Variants in UBR3 observed in about 807,000 individuals in gnomAD.
The protein encoded by UBR3 is E3 ubiquitin-protein ligase UBR3.
A neutral mutation model predicts 243.2 loss-of-function variants in UBR3; 85 were observed. The observed-to-expected ratio is 0.35, with a 90% CI of 0.29 to 0.42. UBR3 has a LOEUF of 0.42. Among genes scored for constraint, UBR3 ranks in the 10% least tolerant of loss-of-function variants. The pLI is 1.00. For missense variants in UBR3, 1,686 were observed against 2,300.8 expected, an observed-to-expected ratio of 0.73 and a Z score of 5.47; for synonymous variants, 748 against 799.8, an observed-to-expected ratio of 0.94 and a Z score of 1.09.
At chr2:169,841,601 T>C (rs2082290863) in intron 1 of UBR3, among the ~76,000 whole-genome samples, 1 of 152,122 alleles carries the variant, frequency 6.6e-6, no homozygotes, top group African/African-American at 2.4e-5. Context: ...CGGGTGGGCG[T>C]GGGCTTGGTG....
At chr2:170,049,978 C>T (rs56702713) in intron 32 of UBR3, among the ~76,000 whole-genome samples, 6,506 of 152,242 alleles carry the variant, frequency 0.043, 153 homozygotes, top group Middle Eastern at 0.061. Context: ...ATCTTTAACA[C>T]TTATATTGTG....
At chr2:169,866,727 TC>T (rs1460066985) in intron 1 of UBR3, among the ~76,000 whole-genome samples, 1 of 152,202 alleles carries the variant, frequency 6.6e-6, no homozygotes, top group Non-Finnish European at 1.5e-5. Context: ...GTGTAATGCT[TC>T]CTAACCTTTA....
At chr2:169,952,373 T>C (rs911100110) in intron 23 of UBR3, among the ~76,000 whole-genome samples, 6 of 152,042 alleles carry the variant, frequency 3.9e-5, no homozygotes, top group African/African-American at 1.5e-4. Context: ...AGTTAGGAGG[T>C]CATCCGTTGG....
At position 169,906,060 on chromosome 2, in the gene UBR3, G is replaced by A. The variant is rs1449012821; in HGVS notation, c.1675G>A (p.Glu559Lys). The A allele has an allele frequency of 5.2e-6, 8 of 1,551,390 alleles. No individual in the cohort carries two copies. In the African/African-American group the frequency reaches 5.5e-5, roughly 11 times the overall value. ...GAACTTAAACAAGCGAGAACTAAAC[G>A]AGCATGTGGAATTTGAGTCTCAGAC... ...GMNLNKRELN[E>K]HVEFESQTYY... The change falls in exon 10 of 39, where the codon GAG becomes AAG. Residue 559 changes from glutamate (E) to lysine (K), a missense_variant. By Grantham distance (56) the Glu-to-Lys change is moderately conservative (BLOSUM62 1). Around this residue, in one of 8 missense-constraint regions of UBR3, gnomAD observed 346 missense variants for 585.8 expected, o/e 0.59. Coordinates refer to ENST00000272793, the MANE Select transcript of UBR3 (RefSeq NM_172070.4).
chr2:169,901,400 C>T (rs2084816780), intron 8 of UBR3, among the ~76,000 whole-genome samples: 1 of 152,052 alleles, frequency 6.6e-6, no homozygotes, highest in Non-Finnish European at 1.5e-5. Flanking sequence ...ACTATTTTTT[C>T]CTCTTTCAGT....
intron 11 of UBR3, among the ~76,000 whole-genome samples, chr2:169,914,427 T>C: frequency 6.6e-6 from 1 of 152,210 alleles, no homozygotes; most frequent in East Asian, 1.9e-4. Flanking sequence ...ATGTGTCTCA[T>C]TATTTCTCAG....
At chr2:170,074,965 A>C (rs2091773470) in intron 36 of UBR3, among the ~76,000 whole-genome samples, 1 of 152,186 alleles carries the variant, frequency 6.6e-6, no homozygotes, top group Non-Finnish European at 1.5e-5. Flanking sequence ...TTTGGCAGAA[A>C]TAGAACGTAT....
intron 11 of UBR3, among the ~76,000 whole-genome samples, chr2:169,918,081 T>C (rs2085533610): frequency 6.6e-6 from 1 of 152,166 alleles, no homozygotes; most frequent in Admixed American, 6.6e-5. Flanking sequence ...GATGCAGAGA[T>C]ATTAAATGAC....
At chr2:170,019,253 A>G (rs1209877297) in intron 30 of UBR3, among the ~76,000 whole-genome samples, 1 of 152,246 alleles carries the variant, frequency 6.6e-6, no homozygotes, top group Non-Finnish European at 1.5e-5. Context: ...GATCTGATCA[A>G]GAAATTATGC....
intron 1 of UBR3, among the ~76,000 whole-genome samples, chr2:169,852,494 A>C (rs2105294046): frequency 6.6e-6 from 1 of 152,274 alleles, no homozygotes; most frequent in South Asian, 2.1e-4. Context: ...AACAGAATTG[A>C]GTAATTACAA....
intron 3 of UBR3, among the ~76,000 whole-genome samples, chr2:169,877,081 A>G (rs545348016): frequency 3.0e-4 from 46 of 152,364 alleles, no homozygotes; most frequent in African/African-American, 1.1e-3. Flanking sequence ...TCTGCTTTCG[A>G]TAACTGCATG....
chr2:169,919,079 A>G (rs1447186677), intron 11 of UBR3, among the ~76,000 whole-genome samples: 1 of 152,214 alleles, frequency 6.6e-6, no homozygotes, highest in African/African-American at 2.4e-5. Flanking sequence ...GAAGGGATAT[A>G]TAGCATTTGC....
intron 8 of UBR3, among the ~76,000 whole-genome samples, chr2:169,897,080 T>C (rs564345886): frequency 1.3e-5 from 2 of 152,270 alleles, no homozygotes; most frequent in South Asian, 4.1e-4. Flanking sequence ...ATACAATAAA[T>C]ACTTTTTAAA....
chr2:170,024,878 G>C (rs1055385949), intron 30 of UBR3, among the ~76,000 whole-genome samples: 1 of 152,158 alleles, frequency 6.6e-6, no homozygotes, highest in East Asian at 1.9e-4. Context: ...TATCCCAGGT[G>C]AGTTGTCGCA....
At chr2:170,078,152 T>C (rs186639515) in intron 36 of UBR3, 1 of 581,698 alleles carries the variant, frequency 1.7e-6, no homozygotes, top group Non-Finnish European at 3.3e-6. Flanking sequence ...AAGATAAAGC[T>C]TAGCCTTCAG....
chr2:169,940,747 T>C (rs958273107), intron 19 of UBR3, among the ~76,000 whole-genome samples: 4 of 152,242 alleles, frequency 2.6e-5, no homozygotes, highest in Non-Finnish European at 5.9e-5. Flanking sequence ...TTTTGTATTA[T>C]GAGGCTGCTA....
In UBR3 at chr2:169,949,693, A is replaced by T; in HGVS notation, c.3173A>T (p.Asn1058Ile). Residue 1058 changes from asparagine to isoleucine, a missense_variant, in exon 23 of 39, where the codon AAT becomes ATT. Physicochemically the swap from Asn to Ile is moderately radical, Grantham distance 149. Coordinates refer to ENST00000272793, the MANE Select transcript of UBR3 (RefSeq NM_172070.4). ...EIINRSSSEA[N>I]QVVRPKTSSK... ...ATCAATCGCAGTAGCAGTGAAGCAA[A>T]TCAGGTGGTTCGTCCCAAAACTTCA... is the stretch of plus-strand genomic sequence containing the variant. 1 of 1,551,606 alleles carries T rather than the reference A, an allele frequency of 6.4e-7. No homozygotes were observed. The highest frequency in any genetic ancestry group is 8.7e-7 in the Non-Finnish European group (1 of 1,146,728).
chr2:169,971,336 C>A (rs2088132562), intron 24 of UBR3, among the ~76,000 whole-genome samples: 1 of 151,468 alleles, frequency 6.6e-6, no homozygotes, highest in Admixed American at 6.6e-5. Context: ...TTGATTAGAT[C>A]CCATTTGTCA....
At chr2:170,032,681 T>G (rs767517210) in intron 31 of UBR3, among the ~76,000 whole-genome samples, 3 of 149,042 alleles carry the variant, frequency 2.0e-5, no homozygotes, top group Admixed American at 6.9e-5. Flanking sequence ...GTGATTAGAT[T>G]CAGGTTATAA....
Sources: gnomAD v4.1 joint callset for allele counts (sites outside exome capture counted in the v4.1 genomes callset) on GRCh38, gnomAD v4.1.1 for gene constraint, gnomAD v4.1.1 regional missense constraint, MANE v1.5 for transcripts, NCBI Gene and HGNC (gene_info 2026-07-23, HGNC 2026-07-21) for gene names.